The following PPP2R2D variants were observed in gnomAD, a reference collection of about 807,000 sequenced individuals.
The protein encoded by PPP2R2D is protein phosphatase 2 regulatory subunit Bdelta.
A neutral mutation model predicts 31.1 loss-of-function variants in PPP2R2D; 9 were observed. The ratio of observed to expected loss-of-function variants is 0.29; its 90% CI spans 0.17 to 0.51. The LOEUF (loss-of-function observed/expected upper bound fraction) is 0.51, where lower values mean the gene tolerates loss of function less well. Ranked by LOEUF, PPP2R2D falls within the 20% of genes least tolerant of loss-of-function variation. The probability of loss-of-function intolerance (pLI) is 0.98; values close to 1 mark genes in which losing one functional copy is unlikely to be tolerated. For missense variants in PPP2R2D, 391 were observed against 465.6 expected (o/e 0.84, Z 1.48); for synonymous variants, 179 against 172.6 (o/e 1.04, Z -0.29).
intron 5 of PPP2R2D, among the ~76,000 whole-genome samples, chr10:131,943,721 ATCT>A (rs1368851935): frequency 2.6e-5 from 4 of 152,198 alleles, no homozygotes; most frequent in African/African-American, 9.7e-5. Flanking sequence ...CTGCCAGCTG[ATCT>A]TCTCTTCAGC....
chr10:131,911,389 G>A (rs1377458461), intron 2 of PPP2R2D, among the ~76,000 whole-genome samples: 1 of 152,214 alleles, frequency 6.6e-6, no homozygotes, highest in East Asian at 1.9e-4. Flanking sequence ...TGTACCGTGT[G>A]CTTTTTCTTG....
chr10:131,927,405 C>T (rs1488870238), intron 2 of PPP2R2D, among the ~76,000 whole-genome samples: 2 of 151,300 alleles, frequency 1.3e-5, no homozygotes, highest in East Asian at 1.9e-4. Context: ...AGGGCGGGTG[C>T]GCGGGTCGGA....
chr10:131,941,527 T>TTTGGGTGG (rs1349282388), intron 5 of PPP2R2D, among the ~76,000 whole-genome samples: 1 of 151,956 alleles, frequency 6.6e-6, no homozygotes, highest in Non-Finnish European at 1.5e-5. Flanking sequence ...CCGTTGGTTG[T>TTTGGGTGG]TTGGGTGGTT....
intron 8 of PPP2R2D, among the ~76,000 whole-genome samples, chr10:131,954,774 G>A (rs1432736547): frequency 1.3e-5 from 2 of 152,206 alleles, no homozygotes; most frequent in African/African-American, 2.4e-5. Flanking sequence ...ACGCGCCAGC[G>A]TGAAAGGCCT....
intron 2 of PPP2R2D, among the ~76,000 whole-genome samples, chr10:131,926,503 C>G (rs141212391): frequency 3.9e-5 from 6 of 152,210 alleles, no homozygotes; most frequent in African/African-American, 1.4e-4. Flanking sequence ...ATAGTGAGAC[C>G]CTGGCTCCAC....
intron 2 of PPP2R2D, among the ~76,000 whole-genome samples, chr10:131,927,723 G>A (rs2036134365): frequency 6.6e-6 from 1 of 152,192 alleles, no homozygotes; most frequent in Admixed American, 6.5e-5. Context: ...AAGTGGAATT[G>A]CACCCTAAGT....
chr10:131,960,617 T>C (rs534993076), downstream of PPP2R2D, among the ~76,000 whole-genome samples: 445 of 152,116 alleles, frequency 2.9e-3, 3 homozygotes, highest in African/African-American at 9.8e-3. Context: ...ATGGGATTGG[T>C]GTGTGTCCTG....
chr10:131,924,132 G>A (rs1371278588), intron 2 of PPP2R2D, among the ~76,000 whole-genome samples: 1 of 152,132 alleles, frequency 6.6e-6, no homozygotes, highest in African/African-American at 2.4e-5. Flanking sequence ...TCAGTCTCTT[G>A]ATGGTGTCCT....
chr10:131,923,847 C>T (rs1414415798), intron 2 of PPP2R2D, among the ~76,000 whole-genome samples: 1 of 152,100 alleles, frequency 6.6e-6, no homozygotes, highest in Non-Finnish European at 1.5e-5. Flanking sequence ...ACTGTTAACT[C>T]CTGGGCTCAA....
intron 2 of PPP2R2D, among the ~76,000 whole-genome samples, chr10:131,918,548 A>T (rs1252420414): frequency 6.9e-6 from 1 of 145,706 alleles, no homozygotes; most frequent in African/African-American, 2.6e-5. Context: ...CAGTGTAGGG[A>T]TCTCACGTGG....
At chr10:131,909,854 TCTA>T (rs2035654906) in intron 2 of PPP2R2D, among the ~76,000 whole-genome samples, 2 of 152,222 alleles carry the variant, frequency 1.3e-5, no homozygotes, top group Non-Finnish European at 2.9e-5. Context: ...TTTAAAAGAA[TCTA>T]CTACATGTTA....
At chr10:131,925,223 G>A (rs557418763) in intron 2 of PPP2R2D, among the ~76,000 whole-genome samples, 2 of 152,268 alleles carry the variant, frequency 1.3e-5, no homozygotes, top group South Asian at 2.1e-4. Context: ...TCCTTGTCTT[G>A]TTCCTGCTTT....
intron 2 of PPP2R2D, among the ~76,000 whole-genome samples, chr10:131,904,521 G>A (rs954456581): frequency 0.12 from 18,592 of 151,974 alleles, 1,188 homozygotes; most frequent in Non-Finnish European, 0.14. Flanking sequence ...AAAAAAAAAA[G>A]AGAGATGGGC....
At chr10:131,908,683 G>A (rs1389390427) in intron 2 of PPP2R2D, among the ~76,000 whole-genome samples, 1 of 152,194 alleles carries the variant, frequency 6.6e-6, no homozygotes, top group Non-Finnish European at 1.5e-5. Context: ...ACTATTACTT[G>A]TGACCATTAC....
At position 131,947,731 on chromosome 10, in the gene PPP2R2D, C is replaced by T; in HGVS notation, c.1022C>T (p.Ser341Phe). 6.2e-7 allele frequency: 1 copy of T among 1,614,194 alleles called. No homozygotes were observed. The highest frequency in any genetic ancestry group is 8.5e-7 in the Non-Finnish European group (1 of 1,180,034). The change falls in exon 8 of 9, where the codon TCT becomes TTT. Residue 341 changes from serine (S) to phenylalanine (F), a missense_variant. Coordinates refer to ENST00000455566, the MANE Select transcript of PPP2R2D (RefSeq NM_018461.5). The surrounding 1 kb of genome is among the most constrained non-coding windows in gnomAD (Gnocchi z 4.3). ...GAGTACCTGCGCAGCAAGCTCTGCTCTCTCTATGAGAACGACTGCATCTTT... is the reference window on the plus strand; with the variant it reads ...GAGTACCTGCGCAGCAAGCTCTGCTTTCTCTATGAGAACGACTGCATCTTT... ...VHEYLRSKLCSLYENDCIFDK... is the reference protein window; with the variant it reads ...VHEYLRSKLCFLYENDCIFDK...
At chr10:131,916,128 G>A (rs1328702441) in intron 2 of PPP2R2D, among the ~76,000 whole-genome samples, 2 of 152,194 alleles carry the variant, frequency 1.3e-5, no homozygotes, top group Admixed American at 6.6e-5. Context: ...TATTTAAAAA[G>A]TAGATGGAAC....
the PPP2R2D span, among the ~76,000 whole-genome samples, chr10:131,965,571 C>T: frequency 3.9e-5 from 6 of 152,194 alleles, no homozygotes; most frequent in African/African-American, 1.4e-4. Context: ...CTCAGCCTCC[C>T]AAGTAGCTGG....
intron 2 of PPP2R2D, among the ~76,000 whole-genome samples, chr10:131,926,779 A>G (rs2036115139): frequency 6.6e-6 from 1 of 152,256 alleles, no homozygotes; most frequent in African/African-American, 2.4e-5. Flanking sequence ...GTATGCACAC[A>G]GCTCTGCCAG....
chr10:131,922,454 G>GTTT (rs11298994), intron 2 of PPP2R2D, among the ~76,000 whole-genome samples: 3 of 133,814 alleles, frequency 2.2e-5, no homozygotes, highest in African/African-American at 5.6e-5. Flanking sequence ...TCTGTCAATT[G>GTTT]TTTTTTTTTT....
Sources: allele counts gnomAD v4.1 joint callset (sites outside exome capture counted in the v4.1 genomes callset), GRCh38; gene constraint gnomAD v4.1.1; non-coding constraint Gnocchi (gnomAD v3.1); transcripts MANE v1.5; gene names NCBI Gene and HGNC (gene_info 2026-07-23, HGNC 2026-07-21).